EYS: variants seen among roughly 807,000 people sequenced by gnomAD.
EYS encodes the protein EGF-like photoreceptor maintenance factor.
Under a neutral mutation model 282.1 loss-of-function variants are expected in EYS, and 250 were observed. That is an observed-to-expected ratio of 0.89 (90% CI 0.80 to 0.98). The LOEUF is 0.98. EYS is among the 50% of genes least tolerant of loss of function. EYS has a pLI of 0.00. For missense variants in EYS, 4,016 were observed against 3,709.0 expected (o/e 1.08, Z -2.15); for synonymous variants, 1,355 against 1,282.9 (o/e 1.06, Z -1.20).
At chr6:65,004,037 AT>A (rs201444138) in intron 13 of EYS, among the ~76,000 whole-genome samples, 2,617 of 146,270 alleles carry the variant, frequency 0.018, 139 homozygotes, top group African/African-American at 0.06. Flanking sequence ...ATAAATTTAT[AT>A]TTTTTTAGGA....
chr6:64,427,420 G>A (rs1774444889), intron 28 of EYS, among the ~76,000 whole-genome samples: 1 of 152,018 alleles, frequency 6.6e-6, no homozygotes, highest in African/African-American at 2.4e-5. Context: ...TTCCATGTAG[G>A]CTCTAGTCAA....
intron 26 of EYS, among the ~76,000 whole-genome samples, chr6:64,587,566 A>G (rs143463467): frequency 1.3e-5 from 2 of 152,224 alleles, no homozygotes; most frequent in African/African-American, 2.4e-5. Context: ...TACAACCACT[A>G]TTAAGCAGCT....
At chr6:64,833,268 A>T (rs1373594347) in intron 19 of EYS, among the ~76,000 whole-genome samples, 1 of 151,922 alleles carries the variant, frequency 6.6e-6, no homozygotes. Flanking sequence ...ATGAATAATG[A>T]TTTTGTGAAA....
At chr6:65,251,050 A>C (rs200172482) in intron 12 of EYS, among the ~76,000 whole-genome samples, 1 of 151,154 alleles carries the variant, frequency 6.6e-6, no homozygotes, top group Non-Finnish European at 1.5e-5. Flanking sequence ...AAAAAAAAAA[A>C]AAAAACAGGA....
chr6:65,081,952 C>G (rs1259157702), intron 12 of EYS, among the ~76,000 whole-genome samples: 2 of 152,040 alleles, frequency 1.3e-5, no homozygotes, highest in Non-Finnish European at 2.9e-5. Flanking sequence ...GCTAAGCTAT[C>G]AGCACTGTCG....
At chr6:64,506,661 C>T (rs1777216421) in intron 26 of EYS, among the ~76,000 whole-genome samples, 1 of 152,082 alleles carries the variant, frequency 6.6e-6, no homozygotes, top group Non-Finnish European at 1.5e-5. Context: ...GCATGCAATC[C>T]CAGCACGTTG....
intron 12 of EYS, among the ~76,000 whole-genome samples, chr6:65,278,031 C>CTTTTCTTTTCTTTT (rs373352241): frequency 2.8e-5 from 3 of 107,484 alleles, no homozygotes; most frequent in Non-Finnish European, 5.8e-5. Context: ...CTTTTCTTTT[C>CTTTTCTTTTCTTTT]CTTTTCTTTT....
At chr6:63,970,262 A>G (rs1005199921) in intron 35 of EYS, among the ~76,000 whole-genome samples, 2 of 152,204 alleles carry the variant, frequency 1.3e-5, no homozygotes, top group African/African-American at 4.8e-5. Context: ...CTCCTAGTGA[A>G]GGCCCTTGTG....
intron 22 of EYS, among the ~76,000 whole-genome samples, chr6:64,685,613 C>T (rs1212844817): frequency 3.9e-5 from 6 of 152,260 alleles, no homozygotes; most frequent in African/African-American, 1.2e-4. Context: ...TTTCACATTC[C>T]TCCACGAGTG....
chr6:63,954,607 A>G (rs1440974835), intron 35 of EYS, among the ~76,000 whole-genome samples: 1 of 152,200 alleles, frequency 6.6e-6, no homozygotes, highest in Admixed American at 6.5e-5. Context: ...ATCAGATGCC[A>G]TCATTCAGGG....
At chr6:63,911,726 C>T (rs1330549609) in intron 35 of EYS, among the ~76,000 whole-genome samples, 2 of 152,038 alleles carry the variant, frequency 1.3e-5, no homozygotes, top group Non-Finnish European at 2.9e-5. Flanking sequence ...AAATATTTTT[C>T]CTTTGACAAT....
chr6:64,367,776 C>T (rs1276693335), intron 29 of EYS, among the ~76,000 whole-genome samples: 2 of 152,028 alleles, frequency 1.3e-5, no homozygotes, highest in Non-Finnish European at 2.9e-5. Context: ...CCTGAGGCTC[C>T]CTTCCCACAG....
At position 63,921,381 on chromosome 6, in the gene EYS, C is replaced by T. The variant is rs552796527; in HGVS notation, c.7056-57023G>A. 2.6e-5 allele frequency among the ~76,000 whole-genome samples: 4 copies of T among 152,348 alleles called. No homozygotes were observed. In the East Asian group the frequency reaches 7.7e-4, roughly 29 times the overall value. ...GTTGATCCTCATTCTTTCTACTCCC[C>T]GTTCTACTAGCTGCTCTTTATGATT... On this transcript the variant is annotated intron_variant, in intron 35 of 42. Coordinates refer to ENST00000503581, the MANE Select transcript of EYS (RefSeq NM_001142800.2).
intron 31 of EYS, among the ~76,000 whole-genome samples, chr6:64,141,994 T>C (rs1228350985): frequency 2.0e-5 from 3 of 152,110 alleles, no homozygotes; most frequent in African/African-American, 7.2e-5. Flanking sequence ...GAATCAGATA[T>C]ATTCAGATTT....
At chr6:65,271,372 G>T (rs1199871096) in intron 12 of EYS, among the ~76,000 whole-genome samples, 1 of 151,076 alleles carries the variant, frequency 6.6e-6, no homozygotes, top group Admixed American at 6.6e-5. Context: ...AGGGAAGAGG[G>T]CAAATTCAAC....
chr6:64,368,141 C>G (rs559171366), intron 29 of EYS, among the ~76,000 whole-genome samples: 1 of 152,104 alleles, frequency 6.6e-6, no homozygotes, highest in Middle Eastern at 3.4e-3. Flanking sequence ...TTCTCGTCTG[C>G]GTCCACAGGT....
intron 27 of EYS, among the ~76,000 whole-genome samples, chr6:64,438,535 G>T (rs963320689): frequency 6.6e-6 from 1 of 151,262 alleles, no homozygotes; most frequent in Non-Finnish European, 1.5e-5. Flanking sequence ...GATTCCCTAG[G>T]GTTTCCCAGA....
At chr6:64,947,873 T>G (rs1769343301) in intron 14 of EYS, among the ~76,000 whole-genome samples, 1 of 151,750 alleles carries the variant, frequency 6.6e-6, no homozygotes, top group African/African-American at 2.4e-5. Flanking sequence ...GTTCTGAAAT[T>G]TCTCATATTA....
chr6:63,780,657 C>T (rs1433144354), intron 39 of EYS, among the ~76,000 whole-genome samples: 1 of 152,102 alleles, frequency 6.6e-6, no homozygotes, highest in Non-Finnish European at 1.5e-5. Context: ...AGCCTTTTGT[C>T]AGATGGGTAG....
Sources: allele counts gnomAD v4.1 joint callset (sites outside exome capture counted in the v4.1 genomes callset), GRCh38; gene constraint gnomAD v4.1.1; transcripts MANE v1.5; gene names NCBI Gene and HGNC (gene_info 2026-07-23, HGNC 2026-07-21).